PRKCH: variants seen among roughly 807,000 people sequenced by gnomAD.
PRKCH encodes the protein protein kinase C eta type.
Under a neutral mutation model 82.5 loss-of-function variants are expected in PRKCH, and 28 were observed. That is an observed-to-expected ratio of 0.34 (90% CI 0.25 to 0.47). The LOEUF (loss-of-function observed/expected upper bound fraction) is 0.47, where lower values mean the gene tolerates loss of function less well. Among genes scored for constraint, PRKCH ranks in the 20% least tolerant of loss-of-function variants. The probability of loss-of-function intolerance (pLI) is 1.00; values close to 1 mark genes in which losing one functional copy is unlikely to be tolerated. For synonymous variants in PRKCH, 322 were observed against 327.4 expected, an observed-to-expected ratio of 0.98 and a Z score of 0.18; for missense variants, 705 against 881.8, an observed-to-expected ratio of 0.80 and a Z score of 2.54.
chr14:61,273,554 A>T (rs2045176702), intron 1 of PRKCH, among the ~76,000 whole-genome samples: 1 of 152,252 alleles, frequency 6.6e-6, no homozygotes, highest in Admixed American at 6.5e-5. Flanking sequence ...AAATACATTG[A>T]TTACTTTTGA....
At chr14:61,195,362 AT>A (rs1200751275) in intron 1 of PRKCH, among the ~76,000 whole-genome samples, 3 of 151,072 alleles carry the variant, frequency 2.0e-5, no homozygotes, top group Non-Finnish European at 4.4e-5. Context: ...TGGTTTAAAA[AT>A]GTATCTTTTA....
At chr14:61,255,513 G>A (rs1359861842) in intron 1 of PRKCH, among the ~76,000 whole-genome samples, 3 of 151,994 alleles carry the variant, frequency 2.0e-5, no homozygotes, top group African/African-American at 4.8e-5. Context: ...TTTTCTGTCC[G>A]AAGAAGAGAT....
At chr14:61,371,233 C>T (rs2140173385) in intron 1 of PRKCH, among the ~76,000 whole-genome samples, 1 of 152,132 alleles carries the variant, frequency 6.6e-6, no homozygotes, top group Non-Finnish European at 1.5e-5. Context: ...CCCATATACC[C>T]AACAGTCAGT....
At chr14:61,292,141 G>A (rs147489354) in intron 1 of PRKCH, among the ~76,000 whole-genome samples, 19 of 152,116 alleles carry the variant, frequency 1.2e-4, no homozygotes, top group Non-Finnish European at 2.2e-4. Context: ...TGGGAAAAAT[G>A]TGGCAGATCA....
chr14:61,385,591 T>C (rs1170003018), intron 1 of PRKCH, among the ~76,000 whole-genome samples: 1 of 152,208 alleles, frequency 6.6e-6, no homozygotes, highest in African/African-American at 2.4e-5. Flanking sequence ...ATGATAATCT[T>C]GCTCTTGCTG....
chr14:61,425,151 G>A (rs1418249172), intron 2 of PRKCH, among the ~76,000 whole-genome samples: 1 of 152,208 alleles, frequency 6.6e-6, no homozygotes, highest in Non-Finnish European at 1.5e-5. Flanking sequence ...GGAAAGTGAG[G>A]GGTTGGAGCC....
At chr14:61,266,347 G>A (rs1163738607) in intron 1 of PRKCH, among the ~76,000 whole-genome samples, 1 of 152,154 alleles carries the variant, frequency 6.6e-6, no homozygotes, top group Non-Finnish European at 1.5e-5. Context: ...GAACCTGGGA[G>A]GCAGAGGTTG....
At chr14:61,209,799 T>A (rs1159403372) in intron 1 of PRKCH, among the ~76,000 whole-genome samples, 4 of 152,020 alleles carry the variant, frequency 2.6e-5, no homozygotes, top group Admixed American at 2.6e-4. Context: ...TGAGCCATCA[T>A]CCCCCTGCTT....
chr14:61,346,584 A>G (rs78874324), intron 1 of PRKCH, among the ~76,000 whole-genome samples: 15,956 of 152,282 alleles, frequency 0.1, 1,034 homozygotes, highest in African/African-American at 0.18. Flanking sequence ...AACACATGGG[A>G]TGTGCAGAAA....
chr14:61,453,628 T>TCCCTTCCCCTTC (rs58017113), intron 7 of PRKCH, among the ~76,000 whole-genome samples: 2 of 149,118 alleles, frequency 1.3e-5, no homozygotes, highest in African/African-American at 5.0e-5. Context: ...CCTTCCTTCC[T>TCCCTTCCCCTTC]CCCTTCCCCT....
chr14:61,434,186 T>G (rs1274562534), intron 2 of PRKCH, among the ~76,000 whole-genome samples: 1 of 152,060 alleles, frequency 6.6e-6, no homozygotes, highest in African/African-American at 2.4e-5. Flanking sequence ...AACTGGAAAA[T>G]GTTTACATTT....
intron 2 of PRKCH, among the ~76,000 whole-genome samples, chr14:61,426,952 TA>T (rs2140252991): frequency 6.6e-6 from 1 of 152,326 alleles, no homozygotes; most frequent in East Asian, 1.9e-4. Flanking sequence ...AGTCAAACTC[TA>T]AAATATTTGA....
intron 3 of PRKCH, 48 bp from the exon 4 acceptor site, chr14:61,445,644 G>T (rs763373973): frequency 1.3e-6 from 2 of 1,535,532 alleles, no homozygotes; most frequent in South Asian, 2.2e-5. Flanking sequence ...CTATAAGAGG[G>T]TTATTGCTGA....
chr14:61,529,038 G>A (rs748426914), intron 10 of PRKCH, 37 bp from the exon 11 acceptor site: 1 of 1,557,970 alleles, frequency 6.4e-7, no homozygotes, highest in Non-Finnish European at 8.7e-7. Context: ...TTTGGGGTCT[G>A]GCTGCCCTAT....
chr14:61,249,145 G>A (rs2044916444), intron 1 of PRKCH, among the ~76,000 whole-genome samples: 1 of 152,046 alleles, frequency 6.6e-6, no homozygotes, highest in Admixed American at 6.6e-5. Context: ...TGGAAACCCT[G>A]GCATTATAAG....
chr14:61,435,374 C>T (rs572871119), intron 2 of PRKCH, among the ~76,000 whole-genome samples: 23 of 152,284 alleles, frequency 1.5e-4, no homozygotes, highest in African/African-American at 4.8e-4. Context: ...GATCTGAAGA[C>T]GTCTCTAAGG....
intron 1 of PRKCH, among the ~76,000 whole-genome samples, chr14:61,358,129 T>C (rs998818011): frequency 1.3e-5 from 2 of 152,202 alleles, no homozygotes; most frequent in African/African-American, 4.8e-5. Flanking sequence ...CTCTGATACT[T>C]CCTGGATGTT....
intron 2 of PRKCH, among the ~76,000 whole-genome samples, chr14:61,437,572 C>T (rs1883736643): frequency 1.3e-5 from 2 of 152,248 alleles, no homozygotes; most frequent in East Asian, 1.9e-4. Context: ...GCTGCTTGAC[C>T]TCACTTAACC....
chr14:61,413,578 T>G (rs1882398832), intron 2 of PRKCH, among the ~76,000 whole-genome samples: 1 of 152,090 alleles, frequency 6.6e-6, no homozygotes, highest in Non-Finnish European at 1.5e-5. Flanking sequence ...ATAGTTGTCA[T>G]TGCTTTTGCT....
Sources: gnomAD v4.1 joint callset for allele counts (sites outside exome capture counted in the v4.1 genomes callset) on GRCh38, gnomAD v4.1.1 for gene constraint, MANE v1.5 for transcripts, NCBI Gene and HGNC (gene_info 2026-07-23, HGNC 2026-07-21) for gene names.